The following DLGAP2 variants were observed in gnomAD, a reference collection of about 807,000 sequenced individuals.
DLGAP2 encodes the protein DLG associated protein 2.
In DLGAP2, 26 loss-of-function variants were observed where a neutral mutation model predicts 100.3. The observed-to-expected ratio is 0.26, with a 90% CI of 0.19 to 0.36. The LOEUF (loss-of-function observed/expected upper bound fraction) is 0.36, where lower values mean the gene tolerates loss of function less well. DLGAP2 is among the 10% of genes least tolerant of loss of function. The pLI, the probability that DLGAP2 is intolerant of heterozygous loss-of-function variation, is 1.00. For synonymous variants in DLGAP2, 886 were observed against 630.1 expected (o/e 1.41, Z -6.08); for missense variants, 1,858 against 1,453.2 (o/e 1.28, Z -4.53).
At chr8:1,043,577 G>A (rs1563161733) in intron 2 of DLGAP2, among the ~76,000 whole-genome samples, 1 of 151,996 alleles carries the variant, frequency 6.6e-6, no homozygotes, top group Non-Finnish European at 1.5e-5. Flanking sequence ...CCCTGTGACA[G>A]TGTTGGTGAG....
chr8:1,676,467 A>G lies in DLGAP2; in HGVS notation c.2203-66A>G, dbSNP rs940570129. The G allele has an allele frequency of 1.3e-5, 20 of 1,510,214 alleles. No individual in the cohort carries two copies. The Admixed American group carries it at 1.5e-4, about 12-fold the overall frequency. The allele number at this position is 1,510,214 out of a possible 1,614,324, so 93.6% of individuals were successfully genotyped here. ...TAATTACAGCAAATCCACAACAACA[A>G]CAAAATAGTCCCTTGCCCAGGCCCC... On this transcript the variant is annotated intron_variant, in intron 10 of 14. Coordinates refer to ENST00000637795, the MANE Select transcript of DLGAP2 (RefSeq NM_001346810.2).
chr8:1,156,033 G>C (rs1410788562), intron 2 of DLGAP2, among the ~76,000 whole-genome samples: 2 of 152,164 alleles, frequency 1.3e-5, no homozygotes. Context: ...CTGCTGCTGC[G>C]TCCCTGACAC....
chr8:737,688 G>C lies in DLGAP2; in HGVS notation c.-120G>C, dbSNP rs1033408943. On this transcript the variant is annotated 5_prime_UTR_variant, in exon 1 of 15. Coordinates refer to ENST00000637795, the MANE Select transcript of DLGAP2 (RefSeq NM_001346810.2). Reference sequence around the variant, plus strand: ...GCGCGCGGCGCCTGCGGCGGCGAACGGACGGACGGACCGCGGACGGACGTA... The same window carrying C: ...GCGCGCGGCGCCTGCGGCGGCGAACCGACGGACGGACCGCGGACGGACGTA... 1 of 365,210 alleles carries C rather than the reference G, an allele frequency of 2.7e-6. No individual in the cohort carries two copies. Among genetic ancestry groups the C allele is most frequent in the Non-Finnish European group, 4.9e-6 (1 of 204,496 alleles). The allele number at this position is 365,210 out of a possible 1,614,324, so 22.6% of individuals were successfully genotyped here. A position where few individuals can be genotyped will look rare whatever the true frequency, so the allele number is the denominator to read the frequency against.
intron 3 of DLGAP2, among the ~76,000 whole-genome samples, chr8:1,352,361 G>A (rs533316528): frequency 4.6e-5 from 7 of 151,954 alleles, no homozygotes; most frequent in African/African-American, 1.7e-4. Flanking sequence ...TGTCCCCAGC[G>A]ACTCCCCCTG....
intron 2 of DLGAP2, among the ~76,000 whole-genome samples, chr8:1,254,062 A>G (rs1458046329): frequency 6.6e-6 from 1 of 152,222 alleles, no homozygotes; most frequent in Non-Finnish European, 1.5e-5. Flanking sequence ...TGAGGCTTCC[A>G]GTCCCTCCTG....
At chr8:834,688 G>A (rs181608743) in intron 1 of DLGAP2, among the ~76,000 whole-genome samples, 2 of 152,180 alleles carry the variant, frequency 1.3e-5, no homozygotes, top group African/African-American at 4.8e-5. Context: ...GGAGGAGGGG[G>A]TCAAGTGGGT....
At chr8:1,318,777 A>ACC (rs1800825720) in intron 3 of DLGAP2, among the ~76,000 whole-genome samples, 1 of 56,158 alleles carries the variant, frequency 1.8e-5, no homozygotes, top group African/African-American at 9.7e-5. Context: ...GTCAGTGATC[A>ACC]GCCCCCCCCC....
intron 3 of DLGAP2, chr8:1,262,348 T>C (rs894952161): frequency 5.3e-5 from 8 of 152,232 alleles, no homozygotes; most frequent in African/African-American, 1.9e-4. Context: ...TGTGAGACTA[T>C]GTTTTCATGA....
chr8:1,029,279 C>T (rs1426054214), intron 2 of DLGAP2, among the ~76,000 whole-genome samples: 3 of 152,198 alleles, frequency 2.0e-5, no homozygotes, highest in Non-Finnish European at 4.4e-5. Context: ...CTGGCTGAGG[C>T]TGTCTTGGAT....
At chr8:814,858 A>G (rs1262953277) in intron 1 of DLGAP2, among the ~76,000 whole-genome samples, 3 of 150,960 alleles carry the variant, frequency 2.0e-5, no homozygotes, top group East Asian at 3.9e-4. Context: ...CTCAAAAAAA[A>G]AAAAAAAAAA....
At chr8:1,459,567 A>G (rs901143347) in intron 3 of DLGAP2, among the ~76,000 whole-genome samples, 7 of 152,022 alleles carry the variant, frequency 4.6e-5, no homozygotes, top group African/African-American at 1.7e-4. Flanking sequence ...CCAAGCATGT[A>G]TTGTTTATAA....
Position 1,388,647 on chromosome 8 carries a change from T to A in DLGAP2, c.107-112719T>A, listed in dbSNP as rs1394367485. 5.0e-5 allele frequency among the ~76,000 whole-genome samples: 4 copies of A among 79,562 alleles called. 2 individuals carry two copies. Among genetic ancestry groups the A allele is most frequent in the Non-Finnish European group, 1.1e-4 (4 of 36,606 alleles). The allele number at this position is 79,562 out of a possible 152,430, so 52.2% of individuals were successfully genotyped here. ...GGCTCTGGTTCAGGTGTCAGGGCTG[T>A]GAGAGGCAGACGCCGTGGAAGAGGA... On this transcript the variant is annotated intron_variant, in intron 3 of 14. Coordinates refer to ENST00000637795, the MANE Select transcript of DLGAP2 (RefSeq NM_001346810.2).
intron 13 of DLGAP2, 48 bp from the exon 14 acceptor site, chr8:1,697,099 G>C: frequency 6.8e-7 from 1 of 1,475,230 alleles, no homozygotes; most frequent in Non-Finnish European, 9.0e-7. Flanking sequence ...CCAGCCCTGT[G>C]CCCGCAGGAG....
chr8:1,264,435 A>T (rs1039195706), intron 3 of DLGAP2, among the ~76,000 whole-genome samples: 2 of 152,198 alleles, frequency 1.3e-5, no homozygotes, highest in African/African-American at 2.4e-5. Flanking sequence ...GAGGAAGCTC[A>T]TCGCACATCC....
chr8:1,391,508 G>T (rs1287901530), intron 3 of DLGAP2, among the ~76,000 whole-genome samples: 3 of 152,166 alleles, frequency 2.0e-5, no homozygotes, highest in Non-Finnish European at 4.4e-5. Context: ...CTGGGGTTTT[G>T]GCCCCACGTA....
chr8:1,255,011 GCGCTGTGTGTGTGTCTTCTCCTGCCCAGC>G (rs1187656329), intron 2 of DLGAP2, among the ~76,000 whole-genome samples: 29 of 45,380 alleles, frequency 6.4e-4, no homozygotes, highest in African/African-American at 1.6e-3. Context: ...TCCTGCTTGG[GCGCTGTGTGTGTGTCTTCTCCTGCCCAGC>G]CGCTGTGTGT....
intron 2 of DLGAP2, among the ~76,000 whole-genome samples, chr8:994,605 A>C (rs1800734746): frequency 6.6e-6 from 1 of 152,146 alleles, no homozygotes; most frequent in Non-Finnish European, 1.5e-5. Flanking sequence ...GCTTCCTAGA[A>C]CACGGTAGGT....
At chr8:1,383,370 A>C (rs1796139262) in intron 3 of DLGAP2, among the ~76,000 whole-genome samples, 1 of 152,248 alleles carries the variant, frequency 6.6e-6, no homozygotes, top group African/African-American at 2.4e-5. Flanking sequence ...CATAAAGGGC[A>C]GCAATCCTGA....
At chr8:1,099,504 T>C (rs898507306) in intron 2 of DLGAP2, among the ~76,000 whole-genome samples, 1 of 152,226 alleles carries the variant, frequency 6.6e-6, no homozygotes, top group Non-Finnish European at 1.5e-5. Context: ...GAGTTTCTGG[T>C]CTGTGCTACC....
Sources: gnomAD v4.1 joint callset for allele counts (sites outside exome capture counted in the v4.1 genomes callset) on GRCh38, gnomAD v4.1.1 for gene constraint, MANE v1.5 for transcripts, NCBI Gene and HGNC (gene_info 2026-07-23, HGNC 2026-07-21) for gene names.